OTOGL: variants seen among roughly 807,000 people sequenced by gnomAD.
The protein encoded by OTOGL is otogelin like.
In OTOGL, 285 loss-of-function variants were observed where a neutral mutation model predicts 318.5. The ratio of observed to expected loss-of-function variants is 0.89; its 90% CI spans 0.81 to 0.99. The LOEUF (loss-of-function observed/expected upper bound fraction) is 0.99. OTOGL is among the 50% of genes least tolerant of loss of function. OTOGL has a pLI of 0.00. For synonymous variants in OTOGL, 987 were observed against 936.5 expected, an observed-to-expected ratio of 1.05 and a Z score of -0.99; for missense variants, 2,899 against 2,845.6, an observed-to-expected ratio of 1.02 and a Z score of -0.43.
chr12:80,192,819 AT>A (rs1232190324), intron 1 of OTOGL, among the ~76,000 whole-genome samples: 8 of 152,346 alleles, frequency 5.3e-5, no homozygotes, highest in African/African-American at 1.9e-4. Flanking sequence ...GTTGTTAGAA[AT>A]CATTTTTTAA....
chr12:80,211,037 T>C (rs1260634401), intron 3 of OTOGL, among the ~76,000 whole-genome samples, 151 bp downstream of exon 3: 1 of 152,180 alleles, frequency 6.6e-6, no homozygotes, highest in Non-Finnish European at 1.5e-5. Flanking sequence ...TTTCTGCAGA[T>C]TAAAAATGAT....
intron 8 of OTOGL, among the ~76,000 whole-genome samples, chr12:80,230,961 C>G (rs1164329261): frequency 6.6e-6 from 1 of 152,178 alleles, no homozygotes; most frequent in African/African-American, 2.4e-5. Context: ...TTTCCCATCT[C>G]CACTGGCATC....
At chr12:80,202,416 A>G (rs1467159738) in intron 1 of OTOGL, among the ~76,000 whole-genome samples, 2 of 151,490 alleles carry the variant, frequency 1.3e-5, no homozygotes, top group Admixed American at 6.6e-5. Context: ...GATTACAGGC[A>G]CTCGACACCA....
At chr12:80,373,726 T>G (rs1409122794) in intron 57 of OTOGL, among the ~76,000 whole-genome samples, 4 of 151,720 alleles carry the variant, frequency 2.6e-5, no homozygotes, top group African/African-American at 4.8e-5. Context: ...TCCAATGAAA[T>G]AGGTTCTGAC....
At chr12:80,330,040 T>A (rs1887974116) in intron 37 of OTOGL, among the ~76,000 whole-genome samples, 1 of 152,206 alleles carries the variant, frequency 6.6e-6, no homozygotes, top group Non-Finnish European at 1.5e-5. Context: ...AAGGACAGCA[T>A]GTGCAAAGTC....
Position 80,313,592 on chromosome 12 carries a change from G to A in OTOGL, c.3567G>A (p.Gln1189=). 3 of 1,611,998 alleles carry A rather than the reference G, an allele frequency of 1.9e-6. No individual in the cohort carries two copies. The highest frequency in any genetic ancestry group is 2.5e-6 in the Non-Finnish European group (3 of 1,178,762). ...SIAAYAYKCC[Q]EGISIHWRSS... is the part of the protein sequence containing the mutation. ...CTGCATATGCATACAAGTGTTGTCA[G>A]GAAGGAATATCAATTCATTGGAGAT... The change falls in exon 31 of 59, where the codon CAG becomes CAA. Residue 1189 remains glutamine (Q), a synonymous_variant. Coordinates refer to ENST00000547103, the MANE Select transcript of OTOGL (RefSeq NM_001378609.3).
intron 24 of OTOGL, among the ~76,000 whole-genome samples, chr12:80,274,850 A>G (rs1236242046): frequency 6.6e-6 from 1 of 151,976 alleles, no homozygotes; most frequent in African/African-American, 2.4e-5. Flanking sequence ...TGTAAATGGA[A>G]CAACAAAGCC....
chr12:80,350,363 C>T (rs1889468107), intron 44 of OTOGL, among the ~76,000 whole-genome samples: 1 of 152,176 alleles, frequency 6.6e-6, no homozygotes, highest in African/African-American at 2.4e-5. Context: ...CTGCAGTAAA[C>T]ATGGATGTGC....
At chr12:80,148,450 A>T (rs1223349098) in intron 1 of OTOGL, among the ~76,000 whole-genome samples, 4 of 147,792 alleles carry the variant, frequency 2.7e-5, no homozygotes, top group Admixed American at 6.8e-5. Flanking sequence ...CTTCCCTTTG[A>T]GGGTAACCCG....
intron 28 of OTOGL, among the ~76,000 whole-genome samples, chr12:80,303,783 G>A (rs1456792051): frequency 6.6e-6 from 1 of 152,078 alleles, no homozygotes; most frequent in Non-Finnish European, 1.5e-5. Context: ...GAACAGCTTG[G>A]GAGAAACCAC....
intron 26 of OTOGL, among the ~76,000 whole-genome samples, chr12:80,285,541 C>T (rs1444795220): frequency 6.6e-6 from 1 of 151,948 alleles, no homozygotes; most frequent in African/African-American, 2.4e-5. Flanking sequence ...TGCTTGTGTC[C>T]TCTCTTATTT....
At position 80,266,504 on chromosome 12, in the gene OTOGL, C is replaced by T; in HGVS notation, c.2278C>T (p.His760Tyr). ...CCATCACTGTTCCTCGTTCTGCCTC[C>T]ATTCCTGCATTTCTCTCTCTTCCCC... ...LYHHCSSFCL[H>Y]SCISLSSPEQ... Residue 760 changes from histidine (H) to tyrosine (Y), a missense_variant, in exon 21 of 59, where the codon CAT becomes TAT. Transcript: ENST00000547103. 1 of 1,613,604 alleles carries T rather than the reference C, an allele frequency of 6.2e-7. No individual in the cohort carries two copies. The highest frequency in any genetic ancestry group is 8.5e-7 in the Non-Finnish European group (1 of 1,179,712).
rs747148664 is a variant in OTOGL at position 80,219,804 on chromosome 12, T to TC, written c.236-5dup. 1.0e-3 allele frequency: 1,543 copies of TC among 1,500,572 alleles called. 7 individuals carry two copies. The African/African-American group carries it at 0.019, about 18-fold the overall frequency. 93.0% of individuals were successfully genotyped at this position (1,500,572 alleles called of 1,614,324 possible). The stretch of plus-strand genomic sequence containing the variant: ...CCAGAAGATAACTTTTTTTTTTTTT[T>TC]CCCCCTCAGGTTCTTGTCCTTATGA... On this transcript the variant is annotated splice_polypyrimidine_tract_variant and intron_variant, in intron 5 of 58. Transcript: ENST00000547103.
intron 1 of OTOGL, among the ~76,000 whole-genome samples, chr12:80,170,204 TG>T (rs1300691648): frequency 1.7e-5 from 2 of 115,108 alleles, no homozygotes; most frequent in Non-Finnish European, 3.3e-5. Context: ...TGTGTGTGTG[TG>T]TGTGTGTGTA....
chr12:80,355,672 A>G (rs2075169219), intron 46 of OTOGL, 64 bp from the exon 47 acceptor site: 2 of 1,380,348 alleles, frequency 1.4e-6, no homozygotes, highest in Admixed American at 2.2e-5. Context: ...AAACCAAAAC[A>G]TGGTGGCATG....
At chr12:80,127,826 T>A (rs923083597) in intron 1 of OTOGL, among the ~76,000 whole-genome samples, 1 of 152,234 alleles carries the variant, frequency 6.6e-6, no homozygotes, top group African/African-American at 2.4e-5. Context: ...TTCCAGTTGA[T>A]AGAGTCAGCT....
chr12:80,211,999 T>A lies in OTOGL; in HGVS notation c.168+2T>A. 6.4e-7 allele frequency: 1 copy of A among 1,572,356 alleles called. No individual in the cohort carries two copies. The highest frequency in any genetic ancestry group is 8.6e-7 in the Non-Finnish European group (1 of 1,164,684). ...AAAAGAGCTCTTTTAGCAGCACAGG[T>A]AGGTTATGCTTCAGGTGGAGAGAGA... is the stretch of plus-strand genomic sequence containing the variant. On this transcript the variant is annotated splice_donor_variant, in intron 4 of 58. Coordinates refer to ENST00000547103, the MANE Select transcript of OTOGL (RefSeq NM_001378609.3). LOFTEE classifies it high-confidence loss of function.
At chr12:80,200,802 G>T (rs1433485935) in intron 1 of OTOGL, among the ~76,000 whole-genome samples, 1 of 152,132 alleles carries the variant, frequency 6.6e-6, no homozygotes, top group Admixed American at 6.5e-5. Flanking sequence ...TATAATGTGT[G>T]TCATGCCCTC....
chr12:80,352,181 G>A (rs1479165986), intron 44 of OTOGL, 114 bp from the exon 45 acceptor site: 4 of 928,276 alleles, frequency 4.3e-6, no homozygotes, highest in Non-Finnish European at 4.7e-6. Flanking sequence ...CTATGATGAA[G>A]TATAATGAAT....
Sources: allele counts gnomAD v4.1 joint callset (sites outside exome capture counted in the v4.1 genomes callset), GRCh38; gene constraint gnomAD v4.1.1; transcripts MANE v1.5; gene names NCBI Gene and HGNC (gene_info 2026-07-23, HGNC 2026-07-21).